Variants in TAFA1 observed in about 807,000 individuals in gnomAD.
TAFA1 encodes chemokine-like protein TAFA-1.
TAFA1 carries 4 observed loss-of-function variants against 18.5 expected under a neutral mutation model. That is an observed-to-expected ratio of 0.22 (90% CI 0.11 to 0.49). The LOEUF is 0.49. Among genes scored for constraint, TAFA1 ranks in the 20% least tolerant of loss-of-function variants. The pLI is 0.98. For synonymous variants in TAFA1, 56 were observed against 55.2 expected (o/e 1.01, Z -0.06); for missense variants, 147 against 169.0 (o/e 0.87, Z 0.72).
intron 2 of TAFA1, among the ~76,000 whole-genome samples, chr3:68,382,908 T>C (rs1180564712): frequency 6.6e-6 from 1 of 152,066 alleles, no homozygotes; most frequent in Non-Finnish European, 1.5e-5. Context: ...GTTCTTTCTG[T>C]AAAGATCTGT....
At chr3:68,479,988 A>G (rs965297464) in intron 3 of TAFA1, among the ~76,000 whole-genome samples, 46 of 152,134 alleles carry the variant, frequency 3.0e-4, no homozygotes, top group African/African-American at 9.4e-4. Flanking sequence ...CTTCTCTAAG[A>G]TTGGATTCTC....
chr3:68,271,103 C>G (rs945231726), intron 2 of TAFA1, among the ~76,000 whole-genome samples: 1 of 152,046 alleles, frequency 6.6e-6, no homozygotes, highest in African/African-American at 2.4e-5. Context: ...GGCAAGGGGT[C>G]AAACAGCATC....
In TAFA1 at chr3:68,531,369, G is replaced by T. The variant is rs559255190; in HGVS notation, c.260-7387G>T. On this transcript the variant is annotated intron_variant, in intron 3 of 4. Transcript: ENST00000478136. ...TAGAGCAGGAATGAAAGCAAGTAAAGCACACTTGAAAGAGGGACAAGCGGG... is the reference window on the plus strand; with the variant it reads ...TAGAGCAGGAATGAAAGCAAGTAAATCACACTTGAAAGAGGGACAAGCGGG... Among the ~76,000 whole-genome samples the T allele has an allele frequency of 7.3e-5, 11 of 149,748 alleles. No individual in the cohort carries two copies. The East Asian group carries it at 2.1e-3, about 29-fold the overall frequency.
At chr3:68,359,842 C>T (rs187082200) in intron 2 of TAFA1, among the ~76,000 whole-genome samples, 141 of 152,022 alleles carry the variant, frequency 9.3e-4, no homozygotes, top group Admixed American at 1.5e-3. Flanking sequence ...ATTAGACGAA[C>T]CACTTTTCTA....
At chr3:68,172,354 T>G (rs1206455166) in intron 2 of TAFA1, among the ~76,000 whole-genome samples, 1 of 152,110 alleles carries the variant, frequency 6.6e-6, no homozygotes, top group Non-Finnish European at 1.5e-5. Flanking sequence ...CAATACTACT[T>G]CATACCTCCT....
chr3:68,437,767 G>A (rs1054485740), intron 3 of TAFA1, among the ~76,000 whole-genome samples: 1 of 152,018 alleles, frequency 6.6e-6, no homozygotes, highest in Non-Finnish European at 1.5e-5. Flanking sequence ...CATAAGTTTT[G>A]GAGGGTACAA....
intron 2 of TAFA1, among the ~76,000 whole-genome samples, chr3:68,294,685 G>A (rs2107284982): frequency 6.6e-6 from 1 of 152,218 alleles, no homozygotes; most frequent in South Asian, 2.1e-4. Flanking sequence ...AGGAGTTCGA[G>A]ACCAGCCTGG....
chr3:68,108,220 A>C (rs534815456), intron 2 of TAFA1, among the ~76,000 whole-genome samples: 1 of 152,252 alleles, frequency 6.6e-6, no homozygotes, highest in African/African-American at 2.4e-5. Context: ...ATTTCACGTC[A>C]AAAAAAGTAG....
At chr3:68,102,143 T>A (rs1186830836) in intron 2 of TAFA1, among the ~76,000 whole-genome samples, 1 of 152,188 alleles carries the variant, frequency 6.6e-6, no homozygotes, top group Admixed American at 6.5e-5. Flanking sequence ...GCCTTTAGAT[T>A]CAGTGGAAAT....
At chr3:68,519,883 GAC>G (rs754242366) in intron 3 of TAFA1, among the ~76,000 whole-genome samples, 1 of 152,160 alleles carries the variant, frequency 6.6e-6, no homozygotes, top group Non-Finnish European at 1.5e-5. Flanking sequence ...ATTTTGGGAG[GAC>G]ACAAACATTT....
At chr3:67,991,752 G>A in the TAFA1 span, among the ~76,000 whole-genome samples, 1 of 152,130 alleles carries the variant, frequency 6.6e-6, no homozygotes. Flanking sequence ...GGCATCCCAG[G>A]ATCTCCAGCT....
intron 2 of TAFA1, among the ~76,000 whole-genome samples, chr3:68,380,924 T>C (rs1329437343): frequency 1.3e-5 from 2 of 150,672 alleles, no homozygotes; most frequent in Non-Finnish European, 3.0e-5. Flanking sequence ...AAGTCTTTAA[T>C]CCATCTTGAA....
intron 2 of TAFA1, among the ~76,000 whole-genome samples, chr3:68,339,856 T>G (rs1050611298): frequency 5.3e-5 from 8 of 152,188 alleles, no homozygotes; most frequent in African/African-American, 1.9e-4. Context: ...GTTCACCGAT[T>G]TGTAAGGTGT....
At chr3:68,483,336 T>C (rs892355757) in intron 3 of TAFA1, among the ~76,000 whole-genome samples, 8 of 152,246 alleles carry the variant, frequency 5.3e-5, no homozygotes, top group African/African-American at 1.9e-4. Flanking sequence ...TGTACTCTCG[T>C]AGCAGGGAAT....
intron 2 of TAFA1, among the ~76,000 whole-genome samples, chr3:68,213,190 T>A (rs867367268): frequency 3.0e-4 from 45 of 152,048 alleles, no homozygotes; most frequent in Middle Eastern, 6.8e-3. Flanking sequence ...CTAATGTAAG[T>A]GGAAACTGAA....
chr3:68,529,257 C>G (rs1308287603), intron 3 of TAFA1, among the ~76,000 whole-genome samples: 1 of 151,758 alleles, frequency 6.6e-6, no homozygotes, highest in African/African-American at 2.4e-5. Context: ...CCCTTCTTCA[C>G]AATTCTAGTG....
intron 2 of TAFA1, among the ~76,000 whole-genome samples, chr3:68,173,338 C>CATATTTAATGGA (rs1175946811): frequency 0.017 from 2,605 of 152,130 alleles, 85 homozygotes; most frequent in African/African-American, 0.059. Flanking sequence ...AATATATATT[C>CATATTTAATGGA]TGTCATATTT....
At chr3:68,512,786 A>C (rs2072868909) in intron 3 of TAFA1, among the ~76,000 whole-genome samples, 1 of 152,118 alleles carries the variant, frequency 6.6e-6, no homozygotes, top group South Asian at 2.1e-4. Flanking sequence ...AACAAAAAAA[A>C]ACCTGTTTCT....
intron 2 of TAFA1, among the ~76,000 whole-genome samples, chr3:68,164,308 G>A (rs1296657229): frequency 6.6e-6 from 1 of 152,122 alleles, no homozygotes; most frequent in Non-Finnish European, 1.5e-5. Context: ...TAATGTACAT[G>A]AACTATTGTG....
Sources: allele counts gnomAD v4.1 joint callset (sites outside exome capture counted in the v4.1 genomes callset), GRCh38; gene constraint gnomAD v4.1.1; transcripts MANE v1.5; gene names NCBI Gene and HGNC (gene_info 2026-07-23, HGNC 2026-07-21).